Variants in QTMAN observed in about 807,000 individuals in gnomAD.
The protein encoded by QTMAN is queuosine-tRNA mannosyltransferase, also known as tRNA-queuosine alpha-mannosyltransferase.
At chr2:143,996,265 T>C in the QTMAN span, among the ~76,000 whole-genome samples, 3 of 152,024 alleles carry the variant, frequency 2.0e-5, no homozygotes, top group African/African-American at 7.2e-5. Flanking sequence ...AGAAAGAACA[T>C]GGGAGAAAGT....
the QTMAN span, among the ~76,000 whole-genome samples, chr2:144,210,277 C>T: frequency 6.6e-6 from 1 of 152,044 alleles, no homozygotes; most frequent in Non-Finnish European, 1.5e-5. Flanking sequence ...ACAGTACTAA[C>T]CTCAGACATG....
the QTMAN span, among the ~76,000 whole-genome samples, chr2:144,182,883 A>T: frequency 3.0e-3 from 243 of 80,722 alleles, no homozygotes; most frequent in Non-Finnish European, 3.8e-3. Flanking sequence ...TTATATATAT[A>T]TTTTATATAT....
At chr2:144,232,749 T>C in the QTMAN span, among the ~76,000 whole-genome samples, 2 of 152,176 alleles carry the variant, frequency 1.3e-5, no homozygotes, top group Non-Finnish European at 2.9e-5. Flanking sequence ...TTTTGCTTAA[T>C]ACAACAGAAA....
chr2:144,304,277 C>T, the QTMAN span, among the ~76,000 whole-genome samples: 1 of 152,162 alleles, frequency 6.6e-6, no homozygotes, highest in African/African-American at 2.4e-5. Flanking sequence ...AATTTACCTC[C>T]TCTATAGTAA....
chr2:144,054,641 C>G, the QTMAN span, among the ~76,000 whole-genome samples: 1 of 152,178 alleles, frequency 6.6e-6, no homozygotes. Flanking sequence ...TGATGAACCC[C>G]TGACCTGGCC....
the QTMAN span, among the ~76,000 whole-genome samples, chr2:144,025,563 A>C: frequency 1.3e-5 from 2 of 152,186 alleles, no homozygotes; most frequent in Non-Finnish European, 2.9e-5. Context: ...ATGCTTAAGA[A>C]GACTGGGCCT....
the QTMAN span, chr2:143,941,225 A>G: frequency 6.6e-6 from 1 of 152,240 alleles, no homozygotes; most frequent in Admixed American, 6.5e-5. Flanking sequence ...GGTTACAAAA[A>G]TAAGTGATTC....
At chr2:143,944,913 T>C in the QTMAN span, 8 of 151,874 alleles carry the variant, frequency 5.3e-5, no homozygotes, top group South Asian at 2.1e-4. Flanking sequence ...GAAAGGTGTT[T>C]AATGCTTTTT....
chr2:144,142,636 A>T, the QTMAN span, among the ~76,000 whole-genome samples: 1 of 152,018 alleles, frequency 6.6e-6, no homozygotes, highest in Non-Finnish European at 1.5e-5. Context: ...GGGACTACAC[A>T]GAAAGGATTA....
chr2:144,058,993 C>T, the QTMAN span, among the ~76,000 whole-genome samples: 1 of 152,152 alleles, frequency 6.6e-6, no homozygotes, highest in Non-Finnish European at 1.5e-5. Flanking sequence ...AAATATATAA[C>T]AAGGAAAGCT....
At chr2:144,097,126 T>C in the QTMAN span, among the ~76,000 whole-genome samples, 126 of 152,358 alleles carry the variant, frequency 8.3e-4, no homozygotes, top group African/African-American at 3.0e-3. Flanking sequence ...TATACACACA[T>C]ACAATCCACA....
chr2:144,281,205 C>A, the QTMAN span, among the ~76,000 whole-genome samples: 2 of 151,646 alleles, frequency 1.3e-5, no homozygotes, highest in African/African-American at 4.8e-5. Flanking sequence ...AATTCTCTTA[C>A]ACTTTCAGAG....
chr2:144,094,040 A>G, the QTMAN span, among the ~76,000 whole-genome samples: 1 of 152,236 alleles, frequency 6.6e-6, no homozygotes, highest in South Asian at 2.1e-4. Flanking sequence ...TTAGTAAGAA[A>G]TGGTGATGAT....
the QTMAN span, among the ~76,000 whole-genome samples, chr2:144,044,267 T>G: frequency 6.6e-6 from 1 of 152,212 alleles, no homozygotes. Context: ...TATATACACA[T>G]AAGATATGTG....
At chr2:144,107,715 A>G in the QTMAN span, among the ~76,000 whole-genome samples, 1 of 152,244 alleles carries the variant, frequency 6.6e-6, no homozygotes, top group African/African-American at 2.4e-5. Flanking sequence ...AACTATTCTA[A>G]GCAATAGAAA....
At chr2:144,330,468 A>C in the QTMAN span, among the ~76,000 whole-genome samples, 1 of 152,150 alleles carries the variant, frequency 6.6e-6, no homozygotes, top group Non-Finnish European at 1.5e-5. Context: ...TAACTCTAAG[A>C]CTCTTAAAAT....
At chr2:144,129,797 G>A in the QTMAN span, among the ~76,000 whole-genome samples, 6 of 151,930 alleles carry the variant, frequency 3.9e-5, no homozygotes, top group African/African-American at 1.4e-4. Flanking sequence ...TTTACAAAAT[G>A]TTTTAAAGTA....
the QTMAN span, among the ~76,000 whole-genome samples, chr2:143,991,161 G>A: frequency 6.6e-6 from 1 of 152,096 alleles, no homozygotes; most frequent in Non-Finnish European, 1.5e-5. Flanking sequence ...AAGGAGAGAA[G>A]AGAGCGAATG....
At chr2:144,247,369 G>A in the QTMAN span, among the ~76,000 whole-genome samples, 755 of 152,250 alleles carry the variant, frequency 5.0e-3, 1 homozygote, top group Non-Finnish European at 6.8e-3. Flanking sequence ...CATGAAATAC[G>A]AAAAGTCAGA....
Sources: gnomAD v4.1 joint callset for allele counts (sites outside exome capture counted in the v4.1 genomes callset) on GRCh38, gnomAD v4.1.1 for gene constraint, MANE v1.5 for transcripts, NCBI Gene and HGNC (gene_info 2026-07-23, HGNC 2026-07-21) for gene names.